GPC6: variants seen among roughly 807,000 people sequenced by gnomAD.
GPC6 encodes the protein glypican 6.
A neutral mutation model predicts 55.2 loss-of-function variants in GPC6; 14 were observed. The observed-to-expected ratio is 0.25, with a 90% CI of 0.17 to 0.40. The LOEUF (loss-of-function observed/expected upper bound fraction) is 0.40. Ranked by LOEUF, GPC6 falls within the 10% of genes least tolerant of loss-of-function variation. The probability of loss-of-function intolerance (pLI) is 1.00; values close to 1 mark genes in which losing one functional copy is unlikely to be tolerated. For synonymous variants in GPC6, 278 were observed against 259.6 expected (o/e 1.07, Z -0.68); for missense variants, 641 against 708.5 (o/e 0.90, Z 1.08).
chr13:94,107,377 C>G (rs1003969459), intron 4 of GPC6, among the ~76,000 whole-genome samples: 6 of 152,116 alleles, frequency 3.9e-5, no homozygotes, highest in African/African-American at 1.2e-4. Context: ...GGAAAATATT[C>G]TGTGAGTTAT....
chr13:93,541,216 C>G (rs1291965103), intron 1 of GPC6, among the ~76,000 whole-genome samples: 1 of 140,448 alleles, frequency 7.1e-6, no homozygotes, highest in African/African-American at 2.7e-5. Context: ...TGATGTTCCC[C>G]TTCCTGTGTC....
intron 3 of GPC6, among the ~76,000 whole-genome samples, chr13:93,872,351 CA>C (rs1889155629): frequency 6.6e-6 from 1 of 151,958 alleles, no homozygotes; most frequent in Non-Finnish European, 1.5e-5. Context: ...TTAAGAATAG[CA>C]ACAGTTGTAA....
At chr13:93,240,865 C>T (rs1381291984) in intron 1 of GPC6, among the ~76,000 whole-genome samples, 1 of 152,112 alleles carries the variant, frequency 6.6e-6, no homozygotes, top group African/African-American at 2.4e-5. Context: ...GTTTGCTTTA[C>T]TGGGAGAGAC....
intron 3 of GPC6, among the ~76,000 whole-genome samples, chr13:94,001,038 G>T (rs1881775926): frequency 6.6e-6 from 1 of 152,124 alleles, no homozygotes; most frequent in African/African-American, 2.4e-5. Flanking sequence ...CCTATAAAAA[G>T]GCCTTAAAAC....
At chr13:94,279,421 G>T (rs1892308070) in intron 4 of GPC6, among the ~76,000 whole-genome samples, 1 of 149,592 alleles carries the variant, frequency 6.7e-6, no homozygotes, top group South Asian at 2.1e-4. Flanking sequence ...TTGTTGGAAG[G>T]ATTTTTGTGT....
rs544924285 is a variant in GPC6 at position 93,687,774 on chromosome 13, G to A, written c.319+142353G>A. On this transcript the variant is annotated intron_variant, in intron 2 of 8. Transcript: ENST00000377047. Reference sequence around the variant, plus strand: ...TATCAAGAAAGGCCAAGGCTACTACGTATCATGAGAAGGGACTGAATGCAT... The same window carrying A: ...TATCAAGAAAGGCCAAGGCTACTACATATCATGAGAAGGGACTGAATGCAT... 8.3e-4 allele frequency among the ~76,000 whole-genome samples: 107 copies of A among 129,652 alleles called. 2 individuals carry two copies. Among genetic ancestry groups the A allele is most frequent in the Non-Finnish European group, 8.9e-4 (51 of 57,408 alleles). 85.1% of individuals were successfully genotyped at this position (129,652 alleles called of 152,430 possible).
At chr13:93,538,392 A>G (rs1323527310) in intron 1 of GPC6, among the ~76,000 whole-genome samples, 1 of 152,142 alleles carries the variant, frequency 6.6e-6, no homozygotes, top group East Asian at 1.9e-4. Context: ...CTTTATGTTT[A>G]TATGTATTCC....
chr13:93,597,821 G>A (rs1200260933), intron 2 of GPC6, among the ~76,000 whole-genome samples: 1 of 152,064 alleles, frequency 6.6e-6, no homozygotes, highest in Non-Finnish European at 1.5e-5. Flanking sequence ...TCAGCAGTAG[G>A]GTTTTAATAG....
At chr13:93,347,170 A>G (rs2139158870) in intron 1 of GPC6, among the ~76,000 whole-genome samples, 1 of 152,308 alleles carries the variant, frequency 6.6e-6, no homozygotes, top group South Asian at 2.1e-4. Flanking sequence ...TTATAGAAGT[A>G]TGTATGAACA....
intron 3 of GPC6, among the ~76,000 whole-genome samples, chr13:93,866,375 A>G (rs1323097713): frequency 2.0e-5 from 3 of 151,776 alleles, no homozygotes; most frequent in Non-Finnish European, 4.4e-5. Context: ...TATCTTTATA[A>G]TAGAATGTTT....
At chr13:93,372,639 T>C (rs973843306) in intron 1 of GPC6, among the ~76,000 whole-genome samples, 1 of 152,200 alleles carries the variant, frequency 6.6e-6, no homozygotes, top group Non-Finnish European at 1.5e-5. Context: ...TGTAGGCATT[T>C]GGTTTTTCAT....
chr13:94,178,919 A>AGT (rs1380970880), intron 4 of GPC6, among the ~76,000 whole-genome samples: 1 of 152,204 alleles, frequency 6.6e-6, no homozygotes, highest in East Asian at 1.9e-4. Flanking sequence ...TACATCAGCT[A>AGT]AGCACTTTTC....
chr13:93,569,855 A>G (rs1469575992), intron 2 of GPC6, among the ~76,000 whole-genome samples: 10 of 152,114 alleles, frequency 6.6e-5, no homozygotes, highest in Non-Finnish European at 2.9e-5. Flanking sequence ...TTGTGTGAAA[A>G]TAAATTAAGA....
At chr13:93,568,711 G>T (rs923915579) in intron 2 of GPC6, among the ~76,000 whole-genome samples, 1 of 152,128 alleles carries the variant, frequency 6.6e-6, no homozygotes, top group Non-Finnish European at 1.5e-5. Flanking sequence ...ACAACTTAAA[G>T]TAACCTGAGG....
At chr13:93,561,624 G>T (rs1041460966) in intron 2 of GPC6, among the ~76,000 whole-genome samples, 3 of 151,922 alleles carry the variant, frequency 2.0e-5, no homozygotes, top group African/African-American at 7.3e-5. Flanking sequence ...GCTAATGGAG[G>T]ATCATTTGTA....
At chr13:94,246,185 C>T (rs567258009) in intron 4 of GPC6, among the ~76,000 whole-genome samples, 1 of 152,084 alleles carries the variant, frequency 6.6e-6, no homozygotes. Context: ...TATTCAAGTC[C>T]TTTGCATATT....
chr13:93,503,463 A>G (rs1442682158), intron 1 of GPC6, among the ~76,000 whole-genome samples: 3 of 152,194 alleles, frequency 2.0e-5, no homozygotes, highest in African/African-American at 7.2e-5. Flanking sequence ...TTCACTTTTC[A>G]AAATGTAAAC....
chr13:93,814,893 A>C (rs1488476668), intron 2 of GPC6, among the ~76,000 whole-genome samples: 1 of 152,138 alleles, frequency 6.6e-6, no homozygotes, highest in Non-Finnish European at 1.5e-5. Context: ...GCAGTTCAAA[A>C]ACAGAGGGGA....
chr13:93,586,558 C>T (rs1338616001), intron 2 of GPC6, among the ~76,000 whole-genome samples: 1 of 152,112 alleles, frequency 6.6e-6, no homozygotes, highest in African/African-American at 2.4e-5. Flanking sequence ...ACTGGCTAGC[C>T]ATATGCAGAA....
Sources: gnomAD v4.1 joint callset for allele counts (sites outside exome capture counted in the v4.1 genomes callset) on GRCh38, gnomAD v4.1.1 for gene constraint, MANE v1.5 for transcripts, NCBI Gene and HGNC (gene_info 2026-07-23, HGNC 2026-07-21) for gene names.